The following VEZT variants were observed in gnomAD, a reference collection of about 807,000 sequenced individuals.
The protein encoded by VEZT is vezatin, adherens junctions transmembrane protein, also known as vezatin.
VEZT carries 39 observed loss-of-function variants against 79.9 expected under a neutral mutation model. The observed-to-expected ratio is 0.49, with a 90% CI of 0.38 to 0.64. The LOEUF (loss-of-function observed/expected upper bound fraction) is 0.64. Among genes scored for constraint, VEZT ranks in the 30% least tolerant of loss-of-function variants. The pLI, the probability that VEZT is intolerant of heterozygous loss-of-function variation, is 0.00. For missense variants in VEZT, 837 were observed against 893.1 expected (o/e 0.94, Z 0.80); for synonymous variants, 325 against 327.6 (o/e 0.99, Z 0.09).
chr12:95,233,025 C>T (rs1260293968), intron 1 of VEZT, among the ~76,000 whole-genome samples: 2 of 152,096 alleles, frequency 1.3e-5, no homozygotes, highest in African/African-American at 4.8e-5. Context: ...AGACTGGTCT[C>T]AAATTCCTTG....
At chr12:95,297,872 C>T (rs1221878654) in intron 11 of VEZT, among the ~76,000 whole-genome samples, 1 of 152,148 alleles carries the variant, frequency 6.6e-6, no homozygotes, top group Non-Finnish European at 1.5e-5. Flanking sequence ...CTAATTCCAA[C>T]ACTTTGGGAG....
At chr12:95,224,029 T>C (rs1329130355) in intron 1 of VEZT, among the ~76,000 whole-genome samples, 1 of 152,202 alleles carries the variant, frequency 6.6e-6, no homozygotes, top group Non-Finnish European at 1.5e-5. Flanking sequence ...AGTTCCATTT[T>C]TATTTCTTAT....
At chr12:95,257,338 T>C (rs2063628827) in intron 3 of VEZT, 99 bp downstream of exon 3, 1 of 942,892 alleles carries the variant, frequency 1.1e-6, no homozygotes, top group Non-Finnish European at 1.6e-6. Flanking sequence ...TGGCCAGCAA[T>C]TGATTTTTAC....
intron 1 of VEZT, among the ~76,000 whole-genome samples, chr12:95,221,527 C>T (rs2057578873): frequency 6.7e-6 from 1 of 149,104 alleles, no homozygotes; most frequent in Non-Finnish European, 1.5e-5. Context: ...GAGTAAGATT[C>T]CATCTCAAAA....
intron 1 of VEZT, among the ~76,000 whole-genome samples, chr12:95,221,020 T>C (rs757081397): frequency 3.3e-5 from 5 of 152,228 alleles, no homozygotes; most frequent in Non-Finnish European, 7.3e-5. Context: ...TGTTTTTCTT[T>C]TTATGATTCT....
intron 3 of VEZT, 57 bp from the exon 4 acceptor site, chr12:95,262,849 G>T (rs565714888): frequency 3.5e-5 from 49 of 1,393,850 alleles, no homozygotes; most frequent in Non-Finnish European, 4.5e-5. Flanking sequence ...GGAGCTTAGC[G>T]TTTAATGCAA....
intron 2 of VEZT, among the ~76,000 whole-genome samples, chr12:95,256,894 T>G (rs536813549): frequency 6.6e-6 from 1 of 152,312 alleles, no homozygotes; most frequent in African/African-American, 2.4e-5. Flanking sequence ...TCATTCCAAA[T>G]GTATTGAATC....
At chr12:95,233,262 T>C (rs994158013) in intron 1 of VEZT, among the ~76,000 whole-genome samples, 18 of 152,258 alleles carry the variant, frequency 1.2e-4, no homozygotes, top group African/African-American at 4.1e-4. Flanking sequence ...TATGTTCTCA[T>C]TGTAAAACAT....
intron 9 of VEZT, among the ~76,000 whole-genome samples, chr12:95,291,338 G>A (rs1161691368): frequency 6.6e-6 from 1 of 152,182 alleles, no homozygotes; most frequent in South Asian, 2.1e-4. Context: ...CCCCAGACTA[G>A]CATATAAGCA....
intron 1 of VEZT, chr12:95,245,610 T>A (rs777442152): frequency 5.7e-5 from 26 of 456,318 alleles, no homozygotes; most frequent in Non-Finnish European, 1.0e-4. Flanking sequence ...CATTCTTCTC[T>A]GGCCCAAGAC....
chr12:95,231,134 A>T (rs2059220893), intron 1 of VEZT, among the ~76,000 whole-genome samples: 1 of 152,214 alleles, frequency 6.6e-6, no homozygotes, highest in African/African-American at 2.4e-5. Context: ...ATTGGATAGG[A>T]TTTCAGCGGA....
chr12:95,239,968 GA>G (rs199881932), intron 1 of VEZT, among the ~76,000 whole-genome samples: 34 of 143,276 alleles, frequency 2.4e-4, no homozygotes, highest in South Asian at 7.4e-4. Context: ...GAGAGAGAGA[GA>G]GAGAGAGAGA....
At chr12:95,240,085 G>GA (rs1266948778) in intron 1 of VEZT, among the ~76,000 whole-genome samples, 1 of 146,978 alleles carries the variant, frequency 6.8e-6, no homozygotes. Context: ...AGAAAAGAAA[G>GA]AGGAAAACAG....
intron 4 of VEZT, 110 bp from the exon 5 acceptor site, chr12:95,266,247 T>G: frequency 8.2e-7 from 1 of 1,212,294 alleles, no homozygotes; most frequent in Admixed American, 2.4e-5. Context: ...GAAGCTAGCA[T>G]TTTATTTATT....
chr12:95,254,040 G>A (rs1041866713), intron 2 of VEZT, among the ~76,000 whole-genome samples: 1 of 152,084 alleles, frequency 6.6e-6, no homozygotes, highest in Non-Finnish European at 1.5e-5. Flanking sequence ...GAATGCAGTG[G>A]TGTGATTACA....
intron 8 of VEZT, among the ~76,000 whole-genome samples, chr12:95,287,269 C>T (rs917392365): frequency 1.3e-5 from 2 of 151,952 alleles, no homozygotes; most frequent in Non-Finnish European, 2.9e-5. Context: ...TGTTGTGTAG[C>T]CATTACCACT....
intron 1 of VEZT, among the ~76,000 whole-genome samples, chr12:95,220,487 T>A (rs2057403081): frequency 6.6e-6 from 1 of 151,958 alleles, no homozygotes; most frequent in African/African-American, 2.4e-5. Context: ...AGAAACAACA[T>A]CACCAGCACA....
intron 1 of VEZT, among the ~76,000 whole-genome samples, chr12:95,222,611 T>A (rs932093246): frequency 1.7e-4 from 26 of 152,226 alleles, no homozygotes; most frequent in Admixed American, 7.9e-4. Context: ...TCTTCAGGAT[T>A]GCCTTTGGCT....
In VEZT at chr12:95,259,565, G is replaced by A. The variant is rs532542884; in HGVS notation, c.258+2326G>A. On this transcript the variant is annotated intron_variant, in intron 3 of 11. Transcript: ENST00000436874. ...AGCTTATTAACATGCTTAAGTTGTGGAGCAAGGATATAAAGCTAGACACTA... is the reference window on the plus strand; with the variant it reads ...AGCTTATTAACATGCTTAAGTTGTGAAGCAAGGATATAAAGCTAGACACTA... Among the ~76,000 whole-genome samples the A allele has an allele frequency of 3.3e-5, 5 of 152,314 alleles. No homozygotes were observed. The South Asian group carries it at 1.0e-3, about 32-fold the overall frequency.
Sources: allele counts gnomAD v4.1 joint callset (sites outside exome capture counted in the v4.1 genomes callset), GRCh38; gene constraint gnomAD v4.1.1; transcripts MANE v1.5; gene names NCBI Gene and HGNC (gene_info 2026-07-23, HGNC 2026-07-21).